PCDH15: variants seen among roughly 807,000 people sequenced by gnomAD.
PCDH15 encodes protocadherin-15.
In PCDH15, 129 loss-of-function variants were observed where a neutral mutation model predicts 178.5. The ratio of observed to expected loss-of-function variants is 0.72; its 90% CI spans 0.63 to 0.84. PCDH15 has a LOEUF of 0.84. PCDH15 is among the 40% of genes least tolerant of loss of function. The pLI, the probability that PCDH15 is intolerant of heterozygous loss-of-function variation, is 0.00. For synonymous variants in PCDH15, 800 were observed against 732.0 expected, an observed-to-expected ratio of 1.09 and a Z score of -1.50; for missense variants, 2,230 against 2,099.9, an observed-to-expected ratio of 1.06 and a Z score of -1.21.
At chr10:55,425,610 A>T (rs888785855) in intron 2 of PCDH15, among the ~76,000 whole-genome samples, 2 of 151,876 alleles carry the variant, frequency 1.3e-5, no homozygotes, top group African/African-American at 2.4e-5. Context: ...TCTCAGTTTT[A>T]AAAAAAATCT....
chr10:54,895,694 G>T (rs1954533333), intron 3 of PCDH15, among the ~76,000 whole-genome samples: 1 of 152,082 alleles, frequency 6.6e-6, no homozygotes, highest in Non-Finnish European at 1.5e-5. Flanking sequence ...ATTGCAATTT[G>T]TCTTTCTGTT....
chr10:53,915,748 CG>C (rs1348199712), intron 25 of PCDH15, among the ~76,000 whole-genome samples: 1 of 152,010 alleles, frequency 6.6e-6, no homozygotes, highest in African/African-American at 2.4e-5. Flanking sequence ...TTAGTAGAGA[CG>C]GGGTTTCACT....
chr10:55,242,302 T>C (rs1180025819), intron 1 of PCDH15, among the ~76,000 whole-genome samples: 1 of 152,106 alleles, frequency 6.6e-6, no homozygotes, highest in Non-Finnish European at 1.5e-5. Context: ...TGCAAAGATA[T>C]TTGAGAATGG....
intron 3 of PCDH15, among the ~76,000 whole-genome samples, chr10:54,505,520 T>C (rs1192616114): frequency 6.6e-6 from 1 of 152,062 alleles, no homozygotes; most frequent in Non-Finnish European, 1.5e-5. Context: ...TTACATGTAA[T>C]GAATTCTCAG....
chr10:55,074,881 A>G (rs990478724), intron 2 of PCDH15, among the ~76,000 whole-genome samples: 2 of 151,970 alleles, frequency 1.3e-5, no homozygotes, highest in African/African-American at 4.8e-5. Context: ...CCATCTTGAG[A>G]TAATTTTTGT....
At chr10:54,824,795 A>G (rs570681527) in intron 3 of PCDH15, among the ~76,000 whole-genome samples, 1 of 152,018 alleles carries the variant, frequency 6.6e-6, no homozygotes, top group Admixed American at 6.6e-5. Context: ...CACCACTTTT[A>G]CCCTCAAGAT....
chr10:54,183,436 G>C lies in PCDH15; in HGVS notation c.1590+8C>G. On this transcript the variant is annotated splice_region_variant and intron_variant, in intron 13 of 37. Coordinates refer to ENST00000644397, the MANE Select transcript of PCDH15 (RefSeq NM_001384140.1). The stretch of plus-strand genomic sequence containing the variant: ...TTGAGTGTACACTTATATTATGTGA[G>C]TAGTTACCTGTATGACACTGTCCCC... 6.2e-7 allele frequency: 1 copy of C among 1,603,638 alleles called. No homozygotes were observed. Among genetic ancestry groups the C allele is most frequent in the Non-Finnish European group, 8.5e-7 (1 of 1,170,638 alleles).
chr10:53,949,104 G>A (rs953477098), intron 23 of PCDH15, among the ~76,000 whole-genome samples: 1 of 152,168 alleles, frequency 6.6e-6, no homozygotes, highest in African/African-American at 2.4e-5. Context: ...TCTGCTACAT[G>A]AGCAAATGCC....
intron 8 of PCDH15, among the ~76,000 whole-genome samples, chr10:54,292,963 T>C (rs867665171): frequency 4.6e-5 from 7 of 152,110 alleles, no homozygotes; most frequent in Non-Finnish European, 8.8e-5. Flanking sequence ...GGAAAAAAAC[T>C]ACTTTAAAGT....
At chr10:54,917,942 T>C (rs190330919) in intron 2 of PCDH15, among the ~76,000 whole-genome samples, 99 of 150,832 alleles carry the variant, frequency 6.6e-4, no homozygotes, top group African/African-American at 2.3e-3. Context: ...GTCAGTTACA[T>C]ATGTATGACT....
intron 18 of PCDH15, among the ~76,000 whole-genome samples, chr10:54,053,728 G>A (rs1336503608): frequency 2.6e-5 from 4 of 152,042 alleles, no homozygotes; most frequent in African/African-American, 9.7e-5. Context: ...GTGTGAGGTG[G>A]GTACTGTGTT....
Position 54,098,160 on chromosome 10 carries a change from T to C in PCDH15, c.1918-8097A>G, listed in dbSNP as rs912466687. On this transcript the variant is annotated intron_variant, in intron 15 of 37. Transcript: ENST00000644397. ...TATATACTCTGTGTGTCTCTATTAA[T>C]TGCTTCCAAACTTGACAGAGAAAAT... Among the ~76,000 whole-genome samples, 4 of 151,836 alleles carry C rather than the reference T, an allele frequency of 2.6e-5. No homozygotes were observed. The East Asian group carries it at 7.8e-4, about 29-fold the overall frequency.
chr10:55,014,491 G>A (rs972941857), intron 2 of PCDH15, among the ~76,000 whole-genome samples: 1 of 110,970 alleles, frequency 9.0e-6, no homozygotes, highest in Non-Finnish European at 1.8e-5. Context: ...AACCAGACCA[G>A]AGTGCTGCTC....
chr10:54,636,249 T>C (rs1227668821), intron 2 of PCDH15, among the ~76,000 whole-genome samples: 3 of 151,932 alleles, frequency 2.0e-5, no homozygotes, highest in Non-Finnish European at 2.9e-5. Context: ...GGTATTTATT[T>C]GTACAGTGCA....
intron 30 of PCDH15, 191 bp downstream of exon 30, chr10:53,831,124 A>G: frequency 1.3e-6 from 1 of 767,384 alleles, no homozygotes; most frequent in Non-Finnish European, 2.4e-6. Context: ...GCCATCAGTG[A>G]AAAATGTACT....
chr10:55,222,730 CATATATATATATAT>C (rs142618720), intron 1 of PCDH15, among the ~76,000 whole-genome samples: 1,275 of 121,236 alleles, frequency 0.011, 43 homozygotes, highest in East Asian at 0.04. Flanking sequence ...CACACACACA[CATATATATATATAT>C]ATATATATAT....
intron 2 of PCDH15, among the ~76,000 whole-genome samples, chr10:55,476,389 A>G (rs1043427279): frequency 6.6e-6 from 1 of 152,078 alleles, no homozygotes; most frequent in African/African-American, 2.4e-5. Flanking sequence ...CTCTCATTCC[A>G]TCATCATGCA....
chr10:55,569,729 A>G (rs1037150996), intron 2 of PCDH15, among the ~76,000 whole-genome samples: 1 of 152,026 alleles, frequency 6.6e-6, no homozygotes, highest in Non-Finnish European at 1.5e-5. Context: ...TTCAGAAATA[A>G]GAAAACGTAA....
At chr10:54,025,776 C>T (rs1182964768) in intron 18 of PCDH15, among the ~76,000 whole-genome samples, 4 of 152,084 alleles carry the variant, frequency 2.6e-5, no homozygotes, top group Non-Finnish European at 5.9e-5. Flanking sequence ...GGATTACAGG[C>T]GTGAGCCACT....
Sources: allele counts gnomAD v4.1 joint callset (sites outside exome capture counted in the v4.1 genomes callset), GRCh38; gene constraint gnomAD v4.1.1; transcripts MANE v1.5; gene names NCBI Gene and HGNC (gene_info 2026-07-23, HGNC 2026-07-21).